ZNF683: variants seen among roughly 807,000 people sequenced by gnomAD.
ZNF683 encodes tissue-resident T-cell transcription regulator protein ZNF683.
In ZNF683, 20 loss-of-function variants were observed where a neutral mutation model predicts 31.4. The observed-to-expected ratio is 0.64, with a 90% CI of 0.45 to 0.93. The LOEUF is 0.93. ZNF683 is among the 40% of genes least tolerant of loss of function. The pLI is 0.00. For missense variants in ZNF683, 621 were observed against 637.2 expected, an observed-to-expected ratio of 0.97 and a Z score of 0.27; for synonymous variants, 264 against 267.6, an observed-to-expected ratio of 0.99 and a Z score of 0.13.
chr1:26,371,603 A>C (rs1400695999), intron 1 of ZNF683, among the ~76,000 whole-genome samples: 2 of 124,436 alleles, frequency 1.6e-5, no homozygotes, highest in African/African-American at 7.4e-5. Context: ...CTGTCTCTTT[A>C]AAAAAAAAAA....
Position 26,365,047 on chromosome 1 carries a change from G to A in ZNF683, c.499C>T (p.Pro167Ser). 2 of 1,602,706 alleles carry A rather than the reference G, an allele frequency of 1.2e-6. No individual in the cohort carries two copies. Among genetic ancestry groups the A allele is most frequent in the Non-Finnish European group, 1.7e-6 (2 of 1,175,188 alleles). ...SPPPLQNRKS[P>S]SPLAFCPCPP... ...CAGGGGCAGAAAGCCAAGGGGCTGGGGCTCTTTCTGTTCTGCAGCGGTGGT... is the reference window on the plus strand; with the variant it reads ...CAGGGGCAGAAAGCCAAGGGGCTGGAGCTCTTTCTGTTCTGCAGCGGTGGT... Residue 167 changes from proline (P) to serine (S), a missense_variant, in exon 4 of 6, where the codon CCC (proline) becomes TCC (serine). Coordinates refer to ENST00000349618, the MANE Select transcript of ZNF683 (RefSeq NM_001114759.3).
intron 1 of ZNF683, among the ~76,000 whole-genome samples, chr1:26,369,488 T>C (rs1399711371): frequency 1.3e-5 from 2 of 151,838 alleles, no homozygotes; most frequent in South Asian, 4.1e-4. Flanking sequence ...ACGAACATGG[T>C]GAAACCTCGT....
chr1:26,363,505 T>C (rs2074437708), intron 4 of ZNF683, among the ~76,000 whole-genome samples: 1 of 152,128 alleles, frequency 6.6e-6, no homozygotes, highest in South Asian at 2.1e-4. Context: ...CACACTCTCG[T>C]GGCTGTAATC....
intron 2 of ZNF683, 92 bp from the exon 3 acceptor site, chr1:26,367,889 G>T: frequency 1.9e-6 from 2 of 1,054,916 alleles, no homozygotes; most frequent in Non-Finnish European, 2.7e-6. Context: ...TTTCCAAAGG[G>T]GAGAATAAGC....
At chr1:26,372,361 C>T in intron 1 of ZNF683, 1 of 740,700 alleles carries the variant, frequency 1.4e-6, no homozygotes, top group Non-Finnish European at 1.9e-6. Flanking sequence ...TTTGGACGCC[C>T]AGCCTCTGAA....
At chr1:26,371,959 C>T (rs1000834320) in intron 1 of ZNF683, among the ~76,000 whole-genome samples, 7 of 152,076 alleles carry the variant, frequency 4.6e-5, no homozygotes, top group African/African-American at 9.7e-5. Context: ...AAGGAAAAGA[C>T]ATGTCTAGAT....
Position 26,364,984 on chromosome 1 carries a change from G to A in ZNF683, c.562C>T (p.Leu188Phe), listed in dbSNP as rs1214993199. The A allele has an allele frequency of 6.3e-7, 1 of 1,578,214 alleles. No individual in the cohort carries two copies. Among genetic ancestry groups the A allele is most frequent in the Non-Finnish European group, 8.6e-7 (1 of 1,164,670 alleles). The change falls in exon 4 of 6, where the codon CTC becomes TTC. Residue 188 changes from leucine to phenylalanine, a missense_variant. Leu to Phe is a conservative substitution (Grantham distance 22). Coordinates refer to ENST00000349618, the MANE Select transcript of ZNF683 (RefSeq NM_001114759.3). ...TATCCAGGGTAGAAGGCGTGGAGGA[G>A]AAATGGGAGCTCCTTGGAGATGGAG... ...VNSISKELPF[L>F]LHAFYPGYPL...
chr1:26,367,535 T>G (rs2074551867), intron 3 of ZNF683, 58 bp downstream of exon 3: 12 of 1,455,330 alleles, frequency 8.2e-6, no homozygotes, highest in Non-Finnish European at 1.1e-5. Flanking sequence ...AACCTAGCAG[T>G]GCCCCCCACC....
At chr1:26,367,910 A>G (rs1049956510) in intron 2 of ZNF683, 113 bp from the exon 3 acceptor site, 4 of 731,404 alleles carry the variant, frequency 5.5e-6, no homozygotes, top group African/African-American at 5.4e-5. Flanking sequence ...TAAAACAGCC[A>G]CCACACTCCA....
At chr1:26,372,377 TC>T in intron 1 of ZNF683, 1 of 899,120 alleles carries the variant, frequency 1.1e-6, no homozygotes, top group Non-Finnish European at 1.5e-6. Flanking sequence ...CTGAAACTTT[TC>T]CCCTACATGA....
intron 4 of ZNF683, among the ~76,000 whole-genome samples, chr1:26,364,328 A>G (rs567512964): frequency 6.6e-6 from 1 of 152,298 alleles, no homozygotes; most frequent in South Asian, 2.1e-4. Flanking sequence ...ACGATCTCAT[A>G]GGCAGTCCTC....
intron 1 of ZNF683, among the ~76,000 whole-genome samples, chr1:26,368,801 G>C (rs2124185934): frequency 6.6e-6 from 1 of 152,324 alleles, no homozygotes; most frequent in South Asian, 2.1e-4. Context: ...ATGCTCTCCT[G>C]GTGGGTGTGG....
intron 4 of ZNF683, 84 bp downstream of exon 4, chr1:26,364,448 G>T: frequency 6.6e-7 from 1 of 1,509,482 alleles, no homozygotes. Flanking sequence ...TAGCTTTGAG[G>T]TCCTTGCTTC....
Position 26,361,684 on chromosome 1 carries a change from A to C in ZNF683, c.1482T>G (p.Thr494=), listed in dbSNP as rs778480004. The C allele has an allele frequency of 3.4e-5, 55 of 1,613,460 alleles. No homozygotes were observed. The highest frequency in any genetic ancestry group is 4.6e-5 in the Non-Finnish European group (54 of 1,179,668). ...ARAVSLSSAG[T]PLVMGQDQNN ...TCTGGTCCTGCCCCATCACCAGGGG[A>C]GTCCCGGCACTGCTCAGGCTCACTG... is the stretch of plus-strand genomic sequence containing the variant. The change falls in exon 6 of 6, where the codon ACT becomes ACG. Residue 494 remains threonine, a synonymous_variant. Coordinates refer to ENST00000349618, the MANE Select transcript of ZNF683 (RefSeq NM_001114759.3).
At position 26,365,127 on chromosome 1, in the gene ZNF683, C is replaced by G; in HGVS notation, c.419G>C (p.Arg140Thr). 6.2e-7 allele frequency: 1 copy of G among 1,608,800 alleles called. No individual in the cohort carries two copies. Among genetic ancestry groups the G allele is most frequent in the Non-Finnish European group, 8.5e-7 (1 of 1,177,584 alleles). Residue 140 changes from arginine (R) to threonine (T), a missense_variant, in exon 4 of 6, where the codon AGA becomes ACA. Arg to Thr is a moderately conservative substitution (Grantham distance 71). Transcript: ENST00000349618. ...NKDKLGKQPE[R>T]AGEGAPCPAF... ...TGGGCAGGGGGCCCCCTCGCCAGCT[C>G]TTTCTGGCTGTTTTCCCAGCTTGTC...
chr1:26,365,460 T>A (rs912973056), intron 3 of ZNF683, among the ~76,000 whole-genome samples: 5 of 152,080 alleles, frequency 3.3e-5, no homozygotes, highest in African/African-American at 1.2e-4. Context: ...AAAGGAGAGG[T>A]CTGAACTGGA....
At chr1:26,372,446 A>C in intron 1 of ZNF683, 1 of 1,294,226 alleles carries the variant, frequency 7.7e-7, no homozygotes, top group South Asian at 1.2e-5. Context: ...CCAAATACTT[A>C]ATTCCAACCT....
intron 1 of ZNF683, among the ~76,000 whole-genome samples, chr1:26,369,107 C>T (rs923685715): frequency 1.3e-5 from 2 of 151,740 alleles, no homozygotes; most frequent in Admixed American, 6.6e-5. Context: ...TAGCCAGTCA[C>T]GGTGGTGCAT....
rs1469403600 is a variant in ZNF683, at chr1:26,367,786, G to A, written c.126C>T (p.Ala42=). 5.0e-6 allele frequency: 8 copies of A among 1,591,898 alleles called. No individual in the cohort carries two copies. The highest frequency in any genetic ancestry group is 6.9e-6 in the Non-Finnish European group (8 of 1,166,852). Residue 42 remains alanine (A), a synonymous_variant, in exon 3 of 6, where the codon GCC becomes GCT. Transcript: ENST00000349618. ...CCACCATGTCTGGAAGTGGTCTGCAGGCTGAGAAGACCTGGAGGGCAGGGG... is the reference window on the plus strand; with the variant it reads ...CCACCATGTCTGGAAGTGGTCTGCAAGCTGAGAAGACCTGGAGGGCAGGGG... The part of the protein sequence containing the change: ...QLFRGDQVFS[A]CRPLPDMVDA...
Sources: gnomAD v4.1 joint callset for allele counts (sites outside exome capture counted in the v4.1 genomes callset) on GRCh38, gnomAD v4.1.1 for gene constraint, MANE v1.5 for transcripts, NCBI Gene and HGNC (gene_info 2026-07-23, HGNC 2026-07-21) for gene names.